The following DIAPH3 variants were observed in gnomAD, a reference collection of about 807,000 sequenced individuals.
DIAPH3 encodes diaphanous related formin 3.
In DIAPH3, 117 loss-of-function variants were observed where a neutral mutation model predicts 144.3. That is an observed-to-expected ratio of 0.81 (90% CI 0.70 to 0.95). DIAPH3 has a LOEUF of 0.95. Ranked by LOEUF, DIAPH3 falls within the 40% of genes least tolerant of loss-of-function variation. The pLI is 0.00. For missense variants in DIAPH3, 1,421 were observed against 1,412.7 expected (o/e 1.01, Z -0.09); for synonymous variants, 519 against 488.9 (o/e 1.06, Z -0.81).
chr13:60,062,691 A>T (rs1267125836), intron 4 of DIAPH3, among the ~76,000 whole-genome samples: 1 of 152,198 alleles, frequency 6.6e-6, no homozygotes, highest in Non-Finnish European at 1.5e-5. Flanking sequence ...ATGATAATAA[A>T]GCAGATAGAT....
At chr13:60,071,764 C>T (rs1418486237) in intron 4 of DIAPH3, among the ~76,000 whole-genome samples, 3 of 152,194 alleles carry the variant, frequency 2.0e-5, no homozygotes, top group African/African-American at 7.2e-5. Context: ...TACTTGATCC[C>T]TCTGCCCAGA....
chr13:60,071,414 T>A (rs1251232534), intron 4 of DIAPH3, among the ~76,000 whole-genome samples: 1 of 152,230 alleles, frequency 6.6e-6, no homozygotes. Context: ...TTCATATTTA[T>A]CCTTCAGATA....
chr13:60,098,593 A>T (rs954173548), intron 3 of DIAPH3, among the ~76,000 whole-genome samples: 3 of 152,040 alleles, frequency 2.0e-5, no homozygotes, highest in African/African-American at 7.2e-5. Context: ...ATATAGAAAC[A>T]AATTGAACAG....
At chr13:59,831,793 T>C (rs767499763) in intron 24 of DIAPH3, among the ~76,000 whole-genome samples, 17 of 151,924 alleles carry the variant, frequency 1.1e-4, no homozygotes, top group Non-Finnish European at 1.5e-4. Flanking sequence ...ATGAAGGTTT[T>C]GAGCACCCCA....
chr13:60,028,484 C>A (rs1234869551), intron 5 of DIAPH3, among the ~76,000 whole-genome samples: 1 of 152,172 alleles, frequency 6.6e-6, no homozygotes, highest in Non-Finnish European at 1.5e-5. Flanking sequence ...CTCCTCCCCA[C>A]TGGCTACTCC....
chr13:59,915,968 C>T (rs1183624208), intron 19 of DIAPH3, among the ~76,000 whole-genome samples, 187 bp downstream of exon 19: 3 of 152,118 alleles, frequency 2.0e-5, no homozygotes, highest in Non-Finnish European at 4.4e-5. Flanking sequence ...CATTCTATTT[C>T]ATGTGCAGTT....
At chr13:59,703,172 T>C (rs1335809621) in intron 27 of DIAPH3, among the ~76,000 whole-genome samples, 1 of 152,228 alleles carries the variant, frequency 6.6e-6, no homozygotes, top group Non-Finnish European at 1.5e-5. Flanking sequence ...GCACTTGAAA[T>C]GGCTAGCTCA....
Position 59,983,782 on chromosome 13 carries a change from T to G in DIAPH3, c.1467A>C (p.Leu489Phe), listed in dbSNP as rs1243906607. The change falls in exon 13 of 28, where the codon TTA becomes TTC. Residue 489 changes from leucine to phenylalanine, a missense_variant. By Grantham distance (22) the Leu-to-Phe change is conservative. Transcript: ENST00000400324. The part of the protein sequence containing the change: ...FTYRKRLDLD[L>F]TQFVDICIDQ... ...ATAAATACTCACCTACAAACTGGGT[T>G]AAATCTAAATCTAGTCTTTTTCGAT... The G allele has an allele frequency of 1.3e-6, 2 of 1,599,838 alleles. No homozygotes were observed. The highest frequency in any genetic ancestry group is 1.7e-6 in the Non-Finnish European group (2 of 1,168,362).
At chr13:59,696,787 C>T (rs536635535) in intron 27 of DIAPH3, among the ~76,000 whole-genome samples, 2 of 152,038 alleles carry the variant, frequency 1.3e-5, no homozygotes, top group East Asian at 3.9e-4. Flanking sequence ...AGTAGGTTCC[C>T]GATTTTATGT....
chr13:59,976,009 C>T (rs964971743), intron 14 of DIAPH3, among the ~76,000 whole-genome samples: 16 of 151,942 alleles, frequency 1.1e-4, no homozygotes, highest in African/African-American at 2.7e-4. Flanking sequence ...AGTGCTTCCC[C>T]CTAAGGACTT....
intron 20 of DIAPH3, among the ~76,000 whole-genome samples, chr13:59,905,093 A>C (rs979001620): frequency 6.6e-6 from 1 of 152,070 alleles, no homozygotes; most frequent in Non-Finnish European, 1.5e-5. Flanking sequence ...CTGTAATCCC[A>C]GCAGTTTGGG....
At chr13:60,054,334 T>A (rs897346720) in intron 4 of DIAPH3, among the ~76,000 whole-genome samples, 1 of 152,036 alleles carries the variant, frequency 6.6e-6, no homozygotes, top group Non-Finnish European at 1.5e-5. Flanking sequence ...CTCCATAACA[T>A]TTACTTTGTA....
chr13:59,941,443 G>A (rs2048529994), intron 17 of DIAPH3, among the ~76,000 whole-genome samples: 1 of 152,078 alleles, frequency 6.6e-6, no homozygotes, highest in Non-Finnish European at 1.5e-5. Flanking sequence ...CACCTGGGGA[G>A]TAACTCCAAA....
chr13:59,862,751 T>C (rs72626798), intron 21 of DIAPH3, among the ~76,000 whole-genome samples: 9,708 of 152,188 alleles, frequency 0.064, 449 homozygotes, highest in East Asian at 0.28. Flanking sequence ...AAGAAGTTTT[T>C]AGGCATTTTT....
chr13:60,096,688 T>C (rs1052024192), intron 3 of DIAPH3, among the ~76,000 whole-genome samples: 1 of 152,152 alleles, frequency 6.6e-6, no homozygotes, highest in Admixed American at 6.5e-5. Flanking sequence ...AGGCTAAGTC[T>C]CCCTCTCTCT....
At chr13:59,974,731 G>A (rs2050574187) in intron 14 of DIAPH3, among the ~76,000 whole-genome samples, 1 of 151,988 alleles carries the variant, frequency 6.6e-6, no homozygotes, top group African/African-American at 2.4e-5. Context: ...ACAGTTATCT[G>A]CAGCATTGGC....
At chr13:59,992,704 A>G (rs1377256487) in intron 9 of DIAPH3, 121 bp from the exon 10 acceptor site, 3 of 787,158 alleles carry the variant, frequency 3.8e-6, no homozygotes, top group African/African-American at 1.7e-5. Context: ...AACAATTTGT[A>G]AGCAAAATAT....
intron 25 of DIAPH3, among the ~76,000 whole-genome samples, chr13:59,799,389 AC>A (rs1229004682): frequency 7.9e-6 from 1 of 125,918 alleles, no homozygotes; most frequent in Admixed American, 8.5e-5. Context: ...ACACACACAC[AC>A]ACACACACAC....
At chr13:59,735,214 G>A (rs2036086291) in intron 27 of DIAPH3, among the ~76,000 whole-genome samples, 1 of 151,992 alleles carries the variant, frequency 6.6e-6, no homozygotes, top group Non-Finnish European at 1.5e-5. Flanking sequence ...GCATATAGAA[G>A]ACTGGTTTTA....
Sources: gnomAD v4.1 joint callset for allele counts (sites outside exome capture counted in the v4.1 genomes callset) on GRCh38, gnomAD v4.1.1 for gene constraint, MANE v1.5 for transcripts, NCBI Gene and HGNC (gene_info 2026-07-23, HGNC 2026-07-21) for gene names.